Variants in SCUBE1 observed in about 807,000 individuals in gnomAD.
The protein encoded by SCUBE1 is signal peptide, CUB domain and EGF like domain containing 1.
Under a neutral mutation model 124.4 loss-of-function variants are expected in SCUBE1, and 59 were observed. That is an observed-to-expected ratio of 0.47 (90% CI 0.38 to 0.59). The LOEUF (loss-of-function observed/expected upper bound fraction) is 0.59. SCUBE1 is among the 20% of genes least tolerant of loss of function. The pLI, the probability that SCUBE1 is intolerant of heterozygous loss-of-function variation, is 0.00. For synonymous variants in SCUBE1, 545 were observed against 550.9 expected, an observed-to-expected ratio of 0.99 and a Z score of 0.15; for missense variants, 1,150 against 1,371.2, an observed-to-expected ratio of 0.84 and a Z score of 2.55.
chr22:43,201,320 A>AC lies in SCUBE1; in HGVS notation c.*2676_*2677insG, dbSNP rs1921002228. On this transcript the variant is annotated 3_prime_UTR_variant, in exon 22 of 22. Coordinates refer to ENST00000360835, the MANE Select transcript of SCUBE1 (RefSeq NM_173050.5). ...CTCCATCTCAAAAAAAAAAAAAAAA[A>AC]AAAAAAAGAAAACAAAAAAAGAAAA... 6.7e-6 allele frequency: 1 copy of AC among 148,532 alleles called. No homozygotes were observed. Among genetic ancestry groups the AC allele is most frequent in the African/African-American group, 2.5e-5 (1 of 39,328 alleles). 9.2% of individuals were successfully genotyped at this position (148,532 alleles called of 1,614,324 possible).
intron 4 of SCUBE1, among the ~76,000 whole-genome samples, chr22:43,267,672 C>T (rs1924127181): frequency 6.6e-6 from 1 of 152,180 alleles, no homozygotes. Flanking sequence ...ACACAGCGAC[C>T]AGGGTGGCAG....
rs1311213180 is a variant in SCUBE1 at position 43,218,371 on chromosome 22, T to TGCCG, written c.1771_1774dup (p.Gln592ProfsTer12). On this transcript the variant is annotated frameshift_variant, in exon 15 of 22. Transcript: ENST00000360835. LOFTEE classifies it high-confidence loss of function. ...GCCTGAGACCTGGACATAGAACTGC[T>TGCCG]GCCGGCCGATGGACTTGCGCAGGGT... 1 of 1,613,488 alleles carries TGCCG rather than the reference T, an allele frequency of 6.2e-7. No individual in the cohort carries two copies. Among genetic ancestry groups the TGCCG allele is most frequent in the South Asian group, 1.1e-5 (1 of 91,092 alleles).
At chr22:43,213,281 G>A (rs773556798) in intron 16 of SCUBE1, 2 of 152,402 alleles carry the variant, frequency 1.3e-5, no homozygotes, top group African/African-American at 4.8e-5. Flanking sequence ...CTCCCCCAGG[G>A]GTGGAGACCA....
intron 6 of SCUBE1, among the ~76,000 whole-genome samples, chr22:43,245,238 C>T (rs1418248417): frequency 6.6e-6 from 1 of 152,246 alleles, no homozygotes; most frequent in Non-Finnish European, 1.5e-5. Flanking sequence ...ATGTGGCCTC[C>T]CTTGCGCCTC....
chr22:43,295,229 C>T (rs554666697), intron 3 of SCUBE1, among the ~76,000 whole-genome samples: 59 of 152,350 alleles, frequency 3.9e-4, no homozygotes, highest in Non-Finnish European at 6.8e-4. Flanking sequence ...TGCTCAGCCT[C>T]CTCCTCCGTG....
At chr22:43,245,248 C>G (rs1923161359) in intron 6 of SCUBE1, among the ~76,000 whole-genome samples, 1 of 152,346 alleles carries the variant, frequency 6.6e-6, no homozygotes, top group South Asian at 2.1e-4. Context: ...CCTTGCGCCT[C>G]TGACAGTCAG....
intron 12 of SCUBE1, among the ~76,000 whole-genome samples, chr22:43,221,939 C>T (rs1922107566): frequency 1.3e-5 from 2 of 152,134 alleles, no homozygotes; most frequent in South Asian, 2.1e-4. Context: ...TGATGGGCAC[C>T]TGTAATCCCA....
chr22:43,299,761 G>A (rs1037430894), intron 3 of SCUBE1, among the ~76,000 whole-genome samples: 1 of 152,116 alleles, frequency 6.6e-6, no homozygotes, highest in African/African-American at 2.4e-5. Flanking sequence ...CCAGAAAGAG[G>A]ACCTGTGCCC....
At chr22:43,249,537 CA>C (rs1256893178) in intron 6 of SCUBE1, among the ~76,000 whole-genome samples, 2 of 152,214 alleles carry the variant, frequency 1.3e-5, no homozygotes, top group African/African-American at 4.8e-5. Flanking sequence ...CCCAGTTCTC[CA>C]GCCTCCCTGC....
intron 2 of SCUBE1, among the ~76,000 whole-genome samples, chr22:43,331,091 T>C (rs1926889091): frequency 6.6e-6 from 1 of 152,206 alleles, no homozygotes; most frequent in Non-Finnish European, 1.5e-5. Context: ...GAAGGCCAAA[T>C]TGGTTTTAAG....
intron 4 of SCUBE1, among the ~76,000 whole-genome samples, chr22:43,264,768 G>T (rs1924000875): frequency 6.6e-6 from 1 of 152,212 alleles, no homozygotes; most frequent in Non-Finnish European, 1.5e-5. Flanking sequence ...GCCCCCGAGG[G>T]TGCTCCATCT....
intron 3 of SCUBE1, among the ~76,000 whole-genome samples, chr22:43,315,722 G>A (rs1453091437): frequency 1.3e-5 from 2 of 149,810 alleles, no homozygotes; most frequent in Non-Finnish European, 1.5e-5. Context: ...AGCCGCGTGA[G>A]GTTGCAATCT....
intron 3 of SCUBE1, among the ~76,000 whole-genome samples, chr22:43,294,989 C>T (rs1222085028): frequency 6.6e-6 from 1 of 152,182 alleles, no homozygotes; most frequent in African/African-American, 2.4e-5. Context: ...ATCCCTGATT[C>T]TCAGGTGAGA....
intron 1 of SCUBE1, among the ~76,000 whole-genome samples, chr22:43,342,351 C>T (rs1378098011): frequency 6.6e-6 from 1 of 152,032 alleles, no homozygotes; most frequent in African/African-American, 2.4e-5. Flanking sequence ...ACCGACGTCC[C>T]GCGTCCGGAC....
Position 43,223,126 on chromosome 22 carries a change from G to GAAAGGA in SCUBE1, c.1292_1297dup (p.Phe431_Leu432dup). 6.4e-7 allele frequency: 1 copy of GAAAGGA among 1,555,628 alleles called. No homozygotes were observed. The highest frequency in any genetic ancestry group is 1.4e-5 in the African/African-American group (1 of 71,388). ...CACGAAGAGTGTGTGAGCCGGGCAGGAAAGGAAGCAGCTCTCCACACCGCC... is the reference window on the plus strand; with the variant it reads ...CACGAAGAGTGTGTGAGCCGGGCAGGAAAGGAAAAGGAAGCAGCTCTCCACACCGCC... On this transcript the variant is annotated inframe_insertion, in exon 11 of 22. Transcript: ENST00000360835.
chr22:43,303,518 G>A (rs183303421), intron 3 of SCUBE1, among the ~76,000 whole-genome samples: 1 of 152,364 alleles, frequency 6.6e-6, no homozygotes, highest in Admixed American at 6.5e-5. Context: ...CCGGAGAAAG[G>A]CAGATGGCAG....
chr22:43,297,001 G>A (rs779145917), intron 3 of SCUBE1, among the ~76,000 whole-genome samples: 3 of 152,240 alleles, frequency 2.0e-5, no homozygotes, highest in Non-Finnish European at 2.9e-5. Context: ...GGTGGGAGAA[G>A]GGAAGGACAG....
At chr22:43,209,734 G>T (rs149646608) in intron 19 of SCUBE1, among the ~76,000 whole-genome samples, 3,231 of 152,332 alleles carry the variant, frequency 0.021, 118 homozygotes, top group African/African-American at 0.07. Context: ...CCCTGCGGCT[G>T]GTCCCGCCAC....
At chr22:43,229,285 GAC>G (rs1922458343) in intron 8 of SCUBE1, 97 bp from the exon 9 acceptor site, 9 of 865,264 alleles carry the variant, frequency 1.0e-5, no homozygotes, top group Admixed American at 6.9e-5. Context: ...CACATCTGTG[GAC>G]ACACAGTCCC....
Sources: allele counts gnomAD v4.1 joint callset (sites outside exome capture counted in the v4.1 genomes callset), GRCh38; gene constraint gnomAD v4.1.1; transcripts MANE v1.5; gene names NCBI Gene and HGNC (gene_info 2026-07-23, HGNC 2026-07-21).